CENPI: variants seen among roughly 807,000 people sequenced by gnomAD.
CENPI encodes centromere protein I.
Under a neutral mutation model 60.4 loss-of-function variants are expected in CENPI, and 4 were observed. The ratio of observed to expected loss-of-function variants is 0.07; its 90% CI spans 0.03 to 0.15. The LOEUF (loss-of-function observed/expected upper bound fraction) is 0.15, where lower values mean the gene tolerates loss of function less well. CENPI is among the 10% of genes least tolerant of loss of function. CENPI has a pLI of 1.00. For missense variants in CENPI, 444 were observed against 534.5 expected (o/e 0.83, Z 1.67); for synonymous variants, 157 against 189.4 (o/e 0.83, Z 1.40).
intron 6 of CENPI, among the ~76,000 whole-genome samples, chrX:101,114,022 C>T (rs774319225): frequency 2.7e-5 from 3 of 111,735 alleles, no homozygotes; most frequent in Non-Finnish European, 5.6e-5. Flanking sequence ...TTCGGGAGGC[C>T]GAGGGGGGCA....
chrX:101,109,380 C>G, intron 4 of CENPI, 93 bp from the exon 5 acceptor site: 1 of 724,830 alleles, frequency 1.4e-6, no homozygotes, highest in South Asian at 2.4e-5. Context: ...CGCGCCCAGC[C>G]TAATGTGAGA....
intron 15 of CENPI, among the ~76,000 whole-genome samples, chrX:101,139,427 A>G (rs2089890138): frequency 2.7e-5 from 3 of 111,450 alleles, no homozygotes; most frequent in African/African-American, 9.8e-5. Flanking sequence ...AACATTGTAT[A>G]TACCTACCGT....
At chrX:101,108,291 A>G (rs1602766196) in intron 4 of CENPI, among the ~76,000 whole-genome samples, 1 of 109,928 alleles carries the variant, frequency 9.1e-6, no homozygotes, top group East Asian at 2.9e-4. Flanking sequence ...GCCTAGGCTA[A>G]TCTCAAACTC....
chrX:101,113,912 G>T (rs1163456122), intron 6 of CENPI, among the ~76,000 whole-genome samples: 1 of 111,705 alleles, frequency 9.0e-6, no homozygotes, highest in Non-Finnish European at 1.9e-5. Flanking sequence ...TCATGTTATT[G>T]AATCAGTCTA....
At chrX:101,180,929 G>A in the CENPI span, among the ~76,000 whole-genome samples, 3 of 111,090 alleles carry the variant, frequency 2.7e-5, no homozygotes, top group Non-Finnish European at 5.7e-5. Context: ...ACCACACATG[G>A]CTAATTTTTA....
chrX:101,120,692 A>G, intron 7 of CENPI, 46 bp from the exon 8 acceptor site: 1 of 1,124,151 alleles, frequency 8.9e-7, no homozygotes, highest in East Asian at 3.0e-5. Flanking sequence ...ATTTCTTTTT[A>G]TTCTGAATCC....
At chrX:101,177,539 G>C in the CENPI span, among the ~76,000 whole-genome samples, 1 of 111,985 alleles carries the variant, frequency 8.9e-6, no homozygotes, top group African/African-American at 3.2e-5. Context: ...GTGTTAGGTA[G>C]AGGCAGGGCG....
chrX:101,174,414 C>A, the CENPI span, among the ~76,000 whole-genome samples: 1 of 111,987 alleles, frequency 8.9e-6, no homozygotes, highest in Non-Finnish European at 1.9e-5. Flanking sequence ...ATGGAATCAA[C>A]CTAGGTGCCC....
At chrX:101,151,414 TC>T (rs1462499611) in intron 20 of CENPI, among the ~76,000 whole-genome samples, 1 of 111,914 alleles carries the variant, frequency 8.9e-6, no homozygotes, top group Non-Finnish European at 1.9e-5. Context: ...TAGACTTACT[TC>T]TTTGGGTTAT....
At chrX:101,130,210 G>A (rs2089781796) in intron 13 of CENPI, 137 bp downstream of exon 13, 1 of 410,173 alleles carries the variant, frequency 2.4e-6, no homozygotes. Flanking sequence ...AAGGCGGGTG[G>A]ATCACTTGAG....
intron 16 of CENPI, among the ~76,000 whole-genome samples, chrX:101,143,170 T>C (rs760632754): frequency 2.7e-5 from 3 of 110,520 alleles, no homozygotes; most frequent in African/African-American, 9.8e-5. Context: ...TTGATTGCCT[T>C]GGCACTGAAG....
rs1312226161 is a variant in CENPI at position 101,165,708 on chromosome X, A to G, written c.*2741A>G. On this transcript the variant is annotated 3_prime_UTR_variant, in exon 22 of 22. Coordinates refer to ENST00000682095, the MANE Select transcript of CENPI (RefSeq NM_001386188.2). ...TGCCAGCATTGAGAAGTAGAGGAGA[A>G]GAGGAACCAGCAAAAGACTGAGAAG... 9.0e-6 allele frequency among the ~76,000 whole-genome samples: 1 copy of G among 111,403 alleles called. No individual in the cohort carries two copies. The highest frequency in any genetic ancestry group is 1.9e-5 in the Non-Finnish European group (1 of 53,109).
intron 3 of CENPI, 87 bp downstream of exon 3, chrX:101,101,383 A>G (rs1373196323): frequency 4.3e-6 from 3 of 700,524 alleles, no homozygotes; most frequent in Non-Finnish European, 6.3e-6. Context: ...AAAGGAAAGC[A>G]TAATTTTGCT....
rs1569504899 is a variant in CENPI, at chrX:101,162,470, A to AT, written c.2137-363_2137-362insT. Among the ~76,000 whole-genome samples, 91 of 87,723 alleles carry AT rather than the reference A, an allele frequency of 1.0e-3. 1 individual carries two copies. Among genetic ancestry groups the AT allele is most frequent in the African/African-American group, 3.9e-3 (87 of 22,285 alleles). 76.2% of individuals were successfully genotyped at this position (87,723 alleles called of 115,157 possible). Reference sequence around the variant, plus strand: ...AACCGTATCTCAAAAAAAAAAAAAAAAAAATATATATATATATATATAATT... The same window carrying AT: ...AACCGTATCTCAAAAAAAAAAAAAAATAAAATATATATATATATATATAATT... On this transcript the variant is annotated intron_variant, in intron 21 of 21. Transcript: ENST00000682095.
At chrX:101,114,500 CT>C (rs1292305142) in intron 6 of CENPI, among the ~76,000 whole-genome samples, 1 of 111,999 alleles carries the variant, frequency 8.9e-6, no homozygotes, top group African/African-American at 3.2e-5. Flanking sequence ...TAAGCAACCC[CT>C]AATCTAATTT....
chrX:101,129,522 T>C (rs2089773019), intron 12 of CENPI, among the ~76,000 whole-genome samples: 1 of 95,909 alleles, frequency 1.0e-5, no homozygotes, highest in Admixed American at 1.1e-4. Context: ...TTTTAGTTGG[T>C]TCCAGGCCAA....
At chrX:101,132,762 A>G (rs1399147788) in intron 15 of CENPI, among the ~76,000 whole-genome samples, 1 of 112,219 alleles carries the variant, frequency 8.9e-6, no homozygotes, top group African/African-American at 3.2e-5. Context: ...GTTGTGGTTT[A>G]TATTTTTGTA....
chrX:101,105,549 G>A (rs1401975903), intron 4 of CENPI, among the ~76,000 whole-genome samples: 2 of 111,461 alleles, frequency 1.8e-5, no homozygotes, highest in East Asian at 2.8e-4. Context: ...AAAACAACAT[G>A]TATGGAGTAT....
intron 6 of CENPI, among the ~76,000 whole-genome samples, chrX:101,113,304 CACACACACA>C (rs2089577455): frequency 9.8e-6 from 1 of 102,322 alleles, no homozygotes; most frequent in Non-Finnish European, 2.0e-5. Context: ...CACACACACA[CACACACACA>C]CACACACACA....
Sources: allele counts gnomAD v4.1 joint callset (sites outside exome capture counted in the v4.1 genomes callset), GRCh38; gene constraint gnomAD v4.1.1; transcripts MANE v1.5; gene names NCBI Gene and HGNC (gene_info 2026-07-23, HGNC 2026-07-21).